Variants in RUNX1T1 observed in about 807,000 individuals in gnomAD.
The protein encoded by RUNX1T1 is protein CBFA2T1.
Under a neutral mutation model 62.8 loss-of-function variants are expected in RUNX1T1, and 4 were observed. The observed-to-expected ratio is 0.06, with a 90% CI of 0.03 to 0.15. RUNX1T1 has a LOEUF of 0.15. Among genes scored for constraint, RUNX1T1 ranks in the 10% least tolerant of loss-of-function variants. The pLI, the probability that RUNX1T1 is intolerant of heterozygous loss-of-function variation, is 1.00. For synonymous variants in RUNX1T1, 291 were observed against 286.0 expected (o/e 1.02, Z -0.18); for missense variants, 508 against 754.3 (o/e 0.67, Z 3.82).
exon 11 of RUNX1T1, chr8:91,960,009 C>G: frequency 1.8e-6 from 1 of 562,724 alleles, no homozygotes. Context: ...TTTCAGTTCT[C>G]TAAAGAAAAG....
chr8:92,017,401 T>C (rs1053645149), intron 1 of RUNX1T1, 38 bp from the exon 3 acceptor site: 1 of 1,613,994 alleles, frequency 6.2e-7, no homozygotes, highest in South Asian at 1.1e-5. Context: ...TTTTACTCCT[T>C]AAGCACCTCA....
At chr8:92,061,855 T>C (rs1217030153) in intron 1 of RUNX1T1, among the ~76,000 whole-genome samples, 1 of 152,090 alleles carries the variant, frequency 6.6e-6, no homozygotes, top group African/African-American at 2.4e-5. Flanking sequence ...GAAACAACCC[T>C]TTCCCCGGCC....
chr8:92,074,759 A>C (rs1834178191), intron 2 of RUNX1T1, among the ~76,000 whole-genome samples: 1 of 152,226 alleles, frequency 6.6e-6, no homozygotes, highest in African/African-American at 2.4e-5. Flanking sequence ...GAGATGTCTC[A>C]ACTGCTTAAA....
intron 5 of RUNX1T1, among the ~76,000 whole-genome samples, chr8:92,001,775 C>T (rs973361654): frequency 3.9e-5 from 6 of 152,080 alleles, no homozygotes; most frequent in Non-Finnish European, 8.8e-5. Flanking sequence ...CAAATTAGAT[C>T]GAAAAGCTGT....
At chr8:92,022,575 A>G (rs577648183) in intron 1 of RUNX1T1, among the ~76,000 whole-genome samples, 1 of 152,254 alleles carries the variant, frequency 6.6e-6, no homozygotes, top group African/African-American at 2.4e-5. Context: ...TTGCCCTTCC[A>G]TCTCTTCTGC....
chr8:91,973,769 T>A (rs1373230525), intron 9 of RUNX1T1, among the ~76,000 whole-genome samples: 1 of 152,070 alleles, frequency 6.6e-6, no homozygotes, highest in African/African-American at 2.4e-5. Context: ...TTAAGAAACC[T>A]ATAAAGATAA....
At chr8:91,986,784 A>T in intron 7 of RUNX1T1, 103 bp downstream of exon 8, 1 of 768,910 alleles carries the variant, frequency 1.3e-6, no homozygotes, top group Non-Finnish European at 2.3e-6. Flanking sequence ...TAGCAGGAAA[A>T]ACAATGCCTT....
chr8:91,986,219 C>T (rs373896419), exon 8 of RUNX1T1: 35 of 1,613,864 alleles, frequency 2.2e-5, no homozygotes, highest in Non-Finnish European at 3.0e-5. Flanking sequence ...GTCACTGTAC[C>T]GCCGGATCCA....
intron 1 of RUNX1T1, among the ~76,000 whole-genome samples, chr8:92,078,588 G>C (rs986706331): frequency 6.6e-6 from 1 of 151,996 alleles, no homozygotes; most frequent in East Asian, 1.9e-4. Flanking sequence ...TATTACCATG[G>C]AAATTGTGGA....
chr8:92,053,836 C>G (rs1205199643), intron 1 of RUNX1T1, among the ~76,000 whole-genome samples: 1 of 152,052 alleles, frequency 6.6e-6, no homozygotes, highest in Non-Finnish European at 1.5e-5. Context: ...CACAGGTAGC[C>G]TGGAATGGAA....
chr8:92,082,429 T>C (rs749924875), intron 1 of RUNX1T1, among the ~76,000 whole-genome samples: 2 of 152,238 alleles, frequency 1.3e-5, no homozygotes, highest in Admixed American at 1.3e-4. Flanking sequence ...CAGGGTCATC[T>C]TGGGTAAGAG....
chr8:91,961,558 G>A (rs1248845472), intron 10 of RUNX1T1, among the ~76,000 whole-genome samples: 4 of 152,296 alleles, frequency 2.6e-5, no homozygotes, highest in African/African-American at 4.8e-5. Flanking sequence ...AATGCATCAC[G>A]AATTAGAGCA....
intron 10 of RUNX1T1, among the ~76,000 whole-genome samples, chr8:91,969,166 G>T (rs1248945366): frequency 6.6e-6 from 1 of 152,078 alleles, no homozygotes; most frequent in Admixed American, 6.6e-5. Flanking sequence ...GTTTAACAGG[G>T]TTTATTTATA....
At chr8:92,095,036 G>T (rs534360130) in intron 1 of RUNX1T1, 1 of 1,535,380 alleles carries the variant, frequency 6.5e-7, no homozygotes, top group South Asian at 1.2e-5. Context: ...ACCTCGGTGA[G>T]TCCTGTCTGG....
intron 1 of RUNX1T1, among the ~76,000 whole-genome samples, chr8:92,058,253 T>C (rs1242272137): frequency 6.6e-6 from 1 of 152,208 alleles, no homozygotes; most frequent in Non-Finnish European, 1.5e-5. Context: ...CTACCCAACT[T>C]TCCTCATTAC....
intron 1 of RUNX1T1, 24 bp from the exon 2 acceptor site, chr8:92,076,161 A>C (rs1834385965): frequency 6.7e-7 from 1 of 1,487,128 alleles, no homozygotes; most frequent in South Asian, 1.4e-5. Flanking sequence ...CAAAGGGAAA[A>C]AAAATGCATA....
At chr8:92,028,032 T>C (rs1416156394) in intron 1 of RUNX1T1, among the ~76,000 whole-genome samples, 4 of 134,454 alleles carry the variant, frequency 3.0e-5, no homozygotes, top group African/African-American at 1.1e-4. Flanking sequence ...CCTGAAATAG[T>C]AGGCATTGGA....
chr8:92,088,426 C>A (rs1424635496), intron 1 of RUNX1T1, among the ~76,000 whole-genome samples: 6 of 152,184 alleles, frequency 3.9e-5, no homozygotes, highest in Admixed American at 3.9e-4. Flanking sequence ...AATCAACTTC[C>A]CAAGACTGCA....
chr8:92,007,997 AAAAAG>A (rs1174891666), intron 4 of RUNX1T1, among the ~76,000 whole-genome samples: 2 of 151,704 alleles, frequency 1.3e-5, no homozygotes, highest in African/African-American at 4.8e-5. Context: ...AGAAAGAAAG[AAAAAG>A]AAAAGGACAC....
Sources: allele counts gnomAD v4.1 joint callset (sites outside exome capture counted in the v4.1 genomes callset), GRCh38; gene constraint gnomAD v4.1.1; transcripts MANE v1.5; gene names NCBI Gene and HGNC (gene_info 2026-07-23, HGNC 2026-07-21).